Variants in CDH13 observed in about 807,000 individuals in gnomAD.
CDH13 encodes cadherin 13.
Under a neutral mutation model 63.8 loss-of-function variants are expected in CDH13, and 24 were observed. The ratio of observed to expected loss-of-function variants is 0.38; its 90% CI spans 0.27 to 0.53. CDH13 has a LOEUF of 0.53. Among genes scored for constraint, CDH13 ranks in the 20% least tolerant of loss-of-function variants. CDH13 has a pLI of 0.85. For missense variants in CDH13, 1,049 were observed against 903.1 expected (o/e 1.16, Z -2.07); for synonymous variants, 503 against 355.3 (o/e 1.42, Z -4.67).
At chr16:83,506,956 A>C (rs1038302745) in intron 7 of CDH13, among the ~76,000 whole-genome samples, 1 of 152,244 alleles carries the variant, frequency 6.6e-6, no homozygotes, top group African/African-American at 2.4e-5. Flanking sequence ...CAGCTTCCAT[A>C]TCTCCAAGCC....
chr16:83,789,039 G>T (rs1454004785), intron 13 of CDH13, among the ~76,000 whole-genome samples: 3 of 152,208 alleles, frequency 2.0e-5, no homozygotes, highest in Non-Finnish European at 4.4e-5. Flanking sequence ...TGTTAGAGAT[G>T]CCTGCCAAAT....
intron 6 of CDH13, among the ~76,000 whole-genome samples, chr16:83,403,043 C>CA (rs1251965412): frequency 6.6e-6 from 1 of 152,198 alleles, no homozygotes; most frequent in Non-Finnish European, 1.5e-5. Context: ...TTAACACCCT[C>CA]AGCTGCTTCT....
At chr16:82,982,909 C>G (rs1910469865) in intron 2 of CDH13, among the ~76,000 whole-genome samples, 1 of 152,072 alleles carries the variant, frequency 6.6e-6, no homozygotes, top group African/African-American at 2.4e-5. Flanking sequence ...CCCCCATGAA[C>G]CGGAGTGAAA....
chr16:83,682,908 C>G (rs1319876187), intron 10 of CDH13, among the ~76,000 whole-genome samples: 1 of 152,192 alleles, frequency 6.6e-6, no homozygotes, highest in Non-Finnish European at 1.5e-5. Context: ...CTTCCATGGT[C>G]AACATGGGAA....
chr16:83,068,912 A>G (rs904888637), intron 3 of CDH13, among the ~76,000 whole-genome samples: 1 of 152,160 alleles, frequency 6.6e-6, no homozygotes, highest in Non-Finnish European at 1.5e-5. Context: ...ATTATGACAC[A>G]TGATTGCCAC....
chr16:82,637,952 T>G (rs1362758779), intron 1 of CDH13, among the ~76,000 whole-genome samples: 1 of 152,114 alleles, frequency 6.6e-6, no homozygotes, highest in African/African-American at 2.4e-5. Context: ...GAGCTTACAG[T>G]TTTGTGGGAA....
In CDH13 at chr16:82,817,852, C is replaced by T. The variant is rs549431863; in HGVS notation, c.46-40510C>T. 1.3e-4 allele frequency among the ~76,000 whole-genome samples: 20 copies of T among 152,178 alleles called. No homozygotes were observed. The East Asian group carries it at 2.5e-3, about 19-fold the overall frequency. ...ATATAGTTATATATAAAAGCATGCA[C>T]GCATGCATGAATATACCTATACATA... On this transcript the variant is annotated intron_variant, in intron 1 of 13. Coordinates refer to ENST00000567109, the MANE Select transcript of CDH13 (RefSeq NM_001257.5).
chr16:82,670,429 G>T (rs1362376832), intron 1 of CDH13, among the ~76,000 whole-genome samples: 6 of 152,168 alleles, frequency 3.9e-5, no homozygotes, highest in Non-Finnish European at 1.5e-5. Context: ...AATATCACTT[G>T]AAACCAAATC....
chr16:83,183,992 C>A (rs187524862), intron 4 of CDH13, among the ~76,000 whole-genome samples: 44 of 151,878 alleles, frequency 2.9e-4, no homozygotes, highest in African/African-American at 1.0e-3. Context: ...TCAACTTGAA[C>A]ATTAACATCT....
intron 7 of CDH13, among the ~76,000 whole-genome samples, chr16:83,534,929 C>G (rs1314475931): frequency 6.6e-6 from 1 of 152,182 alleles, no homozygotes; most frequent in African/African-American, 2.4e-5. Flanking sequence ...ATGTCAATGT[C>G]TAGGACAATT....
At chr16:82,695,219 G>A (rs1299678440) in intron 1 of CDH13, among the ~76,000 whole-genome samples, 1 of 152,172 alleles carries the variant, frequency 6.6e-6, no homozygotes, top group Admixed American at 6.5e-5. Context: ...AGGCTGTGAA[G>A]CATCAACAGG....
chr16:83,721,165 A>T (rs1245596479), intron 10 of CDH13: 1 of 152,256 alleles, frequency 6.6e-6, no homozygotes, highest in Non-Finnish European at 1.5e-5. Flanking sequence ...AGGCTTGACC[A>T]ATGTCACCTG....
intron 8 of CDH13, among the ~76,000 whole-genome samples, chr16:83,624,983 C>T (rs917143913): frequency 6.6e-6 from 1 of 152,178 alleles, no homozygotes; most frequent in African/African-American, 2.4e-5. Flanking sequence ...GCCGGTTCTG[C>T]ATGTGTGCGG....
intron 6 of CDH13, among the ~76,000 whole-genome samples, chr16:83,439,537 C>A (rs564844455): frequency 7.2e-5 from 11 of 152,274 alleles, no homozygotes; most frequent in African/African-American, 2.6e-4. Context: ...ATGACCAGTG[C>A]TAAATCTCAT....
chr16:83,058,281 G>A (rs1161038881), intron 3 of CDH13, among the ~76,000 whole-genome samples: 4 of 152,172 alleles, frequency 2.6e-5, no homozygotes, highest in African/African-American at 7.2e-5. Flanking sequence ...ACTGGATTTC[G>A]CTGCACTCAT....
intron 7 of CDH13, among the ~76,000 whole-genome samples, chr16:83,584,195 G>C (rs1286160234): frequency 6.6e-6 from 1 of 152,160 alleles, no homozygotes; most frequent in Non-Finnish European, 1.5e-5. Flanking sequence ...GCCGGGCATA[G>C]TGACAGGTGC....
intron 3 of CDH13, among the ~76,000 whole-genome samples, chr16:83,093,997 G>A (rs1228584160): frequency 6.6e-6 from 1 of 152,190 alleles, no homozygotes; most frequent in Non-Finnish European, 1.5e-5. Context: ...GGTGATCTTT[G>A]AGGTGAGCTT....
At chr16:82,675,814 A>T (rs540262771) in intron 1 of CDH13, among the ~76,000 whole-genome samples, 2 of 152,324 alleles carry the variant, frequency 1.3e-5, no homozygotes, top group South Asian at 4.1e-4. Context: ...TTTAAAAAGT[A>T]GACTTGAGGG....
intron 10 of CDH13, among the ~76,000 whole-genome samples, chr16:83,698,395 C>G (rs980588283): frequency 2.6e-5 from 4 of 152,210 alleles, no homozygotes; most frequent in African/African-American, 9.7e-5. Context: ...TGTTTCTTTA[C>G]TTTCTCCCAG....
Sources: gnomAD v4.1 joint callset for allele counts (sites outside exome capture counted in the v4.1 genomes callset) on GRCh38, gnomAD v4.1.1 for gene constraint, MANE v1.5 for transcripts, NCBI Gene and HGNC (gene_info 2026-07-23, HGNC 2026-07-21) for gene names.